The following ENTHD1 variants were observed in gnomAD, a reference collection of about 807,000 sequenced individuals.
ENTHD1 encodes ENTH domain containing 1, also known as ENTH domain-containing protein 1.
Under a neutral mutation model 39.1 loss-of-function variants are expected in ENTHD1, and 23 were observed. That is an observed-to-expected ratio of 0.59 (90% CI 0.42 to 0.83). The LOEUF (loss-of-function observed/expected upper bound fraction) is 0.83, where lower values mean the gene tolerates loss of function less well. Among genes scored for constraint, ENTHD1 ranks in the 40% least tolerant of loss-of-function variants. The pLI is 0.00. For synonymous variants in ENTHD1, 230 were observed against 258.2 expected, an observed-to-expected ratio of 0.89 and a Z score of 1.05; for missense variants, 624 against 705.4, an observed-to-expected ratio of 0.88 and a Z score of 1.31.
At chr22:39,847,664 G>A (rs991487553) in intron 3 of ENTHD1, among the ~76,000 whole-genome samples, 2 of 151,986 alleles carry the variant, frequency 1.3e-5, no homozygotes, top group Non-Finnish European at 2.9e-5. Context: ...AGTGCTGAGA[G>A]GCATGAGTCA....
chr22:39,749,631 T>C (rs2065133272), intron 6 of ENTHD1, among the ~76,000 whole-genome samples: 1 of 152,244 alleles, frequency 6.6e-6, no homozygotes, highest in African/African-American at 2.4e-5. Context: ...GAGAAGTTTT[T>C]GTCATTCTCC....
chr22:39,817,590 C>T lies in ENTHD1; in HGVS notation c.832+3403G>A, dbSNP rs141246385. Among the ~76,000 whole-genome samples the T allele has an allele frequency of 5.0e-3, 756 of 152,146 alleles. 33 individuals are homozygous for T. In the East Asian group the frequency reaches 0.1, roughly 21 times the overall value. On this transcript the variant is annotated intron_variant, in intron 5 of 6. Coordinates refer to ENST00000325157, the MANE Select transcript of ENTHD1 (RefSeq NM_152512.4). ...ACCAAACTGGTAATAGTTCACTCTG[C>T]GGAGGGGACTGTGTTGGGGTAAGGG...
At chr22:39,811,026 A>C (rs947073780) in intron 5 of ENTHD1, among the ~76,000 whole-genome samples, 2 of 152,204 alleles carry the variant, frequency 1.3e-5, no homozygotes. Context: ...GGACTTATGC[A>C]AGAAGTGGCA....
At chr22:39,749,125 G>A (rs1262690047) in intron 6 of ENTHD1, among the ~76,000 whole-genome samples, 2 of 152,002 alleles carry the variant, frequency 1.3e-5, no homozygotes, top group Non-Finnish European at 1.5e-5. Flanking sequence ...TATAATTGCC[G>A]CATACCAATT....
At chr22:39,836,061 T>C (rs1453177180) in intron 3 of ENTHD1, 103 bp from the exon 4 acceptor site, 3 of 748,110 alleles carry the variant, frequency 4.0e-6, no homozygotes, top group Non-Finnish European at 6.3e-6. Context: ...GATACCTTTT[T>C]TTCCTGCTAA....
rs1412044475 is a variant in ENTHD1 at position 39,835,929 on chromosome 22, CTT to C, written c.620_621del (p.Gln207ArgfsTer38). ...GGCAAATGAACATCTTGGCAATGCTCTTGTTTCAATCCTGCCTTGCACACATT... is the reference window on the plus strand; with the variant it reads ...GGCAAATGAACATCTTGGCAATGCTCGTTTCAATCCTGCCTTGCACACATT... ...KRNVCKAGLK[Q>X]EHCQDVHLPT... On this transcript the variant is annotated frameshift_variant, in exon 4 of 7. Coordinates refer to ENST00000325157, the MANE Select transcript of ENTHD1 (RefSeq NM_152512.4). LOFTEE classifies it high-confidence loss of function. The C allele has an allele frequency of 6.2e-7, 1 of 1,608,664 alleles. No homozygotes were observed. The highest frequency in any genetic ancestry group is 8.5e-7 in the Non-Finnish European group (1 of 1,177,228).
Position 39,765,397 on chromosome 22 carries a change from C to A in ENTHD1, c.1045G>T (p.Val349Leu). The A allele has an allele frequency of 6.2e-7, 1 of 1,613,930 alleles. No individual in the cohort carries two copies. The highest frequency in any genetic ancestry group is 8.5e-7 in the Non-Finnish European group (1 of 1,179,946). ...TGGAAAGTAGAATCTGACTTTGATA[C>A]CCTTAAGTCGGGGCTGATAAACTCC... Reference protein sequence around the residue: ...KEEFISPDLRVSKSDSTFHNQ... With the variant: ...KEEFISPDLRLSKSDSTFHNQ... The change falls in exon 6 of 7, where the codon GTA becomes TTA. Residue 349 changes from valine (V) to leucine (L), a missense_variant. By Grantham distance (32) the Val-to-Leu change is conservative. Coordinates refer to ENST00000325157, the MANE Select transcript of ENTHD1 (RefSeq NM_152512.4).
At chr22:39,780,424 G>C (rs980597267) in intron 5 of ENTHD1, among the ~76,000 whole-genome samples, 1 of 150,538 alleles carries the variant, frequency 6.6e-6, no homozygotes, top group African/African-American at 2.4e-5. Flanking sequence ...AAAAGGCATA[G>C]AATAGCTGAA....
intron 6 of ENTHD1, among the ~76,000 whole-genome samples, chr22:39,758,550 G>A (rs2065204190): frequency 6.6e-6 from 1 of 152,070 alleles, no homozygotes; most frequent in Non-Finnish European, 1.5e-5. Context: ...TCAGCCTCCT[G>A]AACAGCTGGG....
At chr22:39,843,282 A>G (rs1307440621) in intron 3 of ENTHD1, among the ~76,000 whole-genome samples, 1 of 152,120 alleles carries the variant, frequency 6.6e-6, no homozygotes, top group Non-Finnish European at 1.5e-5. Flanking sequence ...ATGCAGCCAT[A>G]AAAAATGATG....
At chr22:39,775,624 A>G (rs1354454940) in intron 5 of ENTHD1, among the ~76,000 whole-genome samples, 1 of 152,208 alleles carries the variant, frequency 6.6e-6, no homozygotes, top group East Asian at 1.9e-4. Flanking sequence ...CTTGATGTGT[A>G]CATGTTCATA....
chr22:39,837,313 C>T (rs1381866908), intron 3 of ENTHD1, among the ~76,000 whole-genome samples: 1 of 152,198 alleles, frequency 6.6e-6, no homozygotes, highest in East Asian at 1.9e-4. Flanking sequence ...TCCGCAACTT[C>T]CACCTATGTT....
chr22:39,835,209 G>A (rs916783298), intron 4 of ENTHD1, among the ~76,000 whole-genome samples: 2 of 152,038 alleles, frequency 1.3e-5, no homozygotes, highest in Admixed American at 1.3e-4. Context: ...TTTTGATGTT[G>A]TGCTGCAACC....
At chr22:39,820,715 CA>C (rs1013553215) in intron 5 of ENTHD1, among the ~76,000 whole-genome samples, 7 of 151,740 alleles carry the variant, frequency 4.6e-5, no homozygotes, top group Non-Finnish European at 1.0e-4. Context: ...TGAAAAAAAA[CA>C]GGAACTAAAA....
At chr22:39,780,856 A>T (rs1452347570) in intron 5 of ENTHD1, among the ~76,000 whole-genome samples, 2 of 152,042 alleles carry the variant, frequency 1.3e-5, no homozygotes, top group African/African-American at 4.8e-5. Context: ...AAAATTAGCC[A>T]GGCATGGTGG....
At chr22:39,807,525 A>G (rs1231476870) in intron 5 of ENTHD1, among the ~76,000 whole-genome samples, 1 of 151,956 alleles carries the variant, frequency 6.6e-6, no homozygotes, top group Admixed American at 6.6e-5. Context: ...CCTGCCATCC[A>G]CCTCATCCTG....
At chr22:39,813,882 A>G (rs2065712522) in intron 5 of ENTHD1, among the ~76,000 whole-genome samples, 1 of 152,250 alleles carries the variant, frequency 6.6e-6, no homozygotes, top group South Asian at 2.1e-4. Flanking sequence ...AAATCAATAT[A>G]CAAAACTTAA....
chr22:39,846,129 A>C (rs1208167066), intron 3 of ENTHD1, among the ~76,000 whole-genome samples: 2 of 152,166 alleles, frequency 1.3e-5, no homozygotes, highest in East Asian at 3.8e-4. Flanking sequence ...CACACATATA[A>C]AAATCAACTA....
At chr22:39,844,264 T>C (rs1176767327) in intron 3 of ENTHD1, among the ~76,000 whole-genome samples, 1 of 152,126 alleles carries the variant, frequency 6.6e-6, no homozygotes. Flanking sequence ...AATAGGTAGA[T>C]AAGAAAAGTG....
Sources: allele counts gnomAD v4.1 joint callset (sites outside exome capture counted in the v4.1 genomes callset), GRCh38; gene constraint gnomAD v4.1.1; transcripts MANE v1.5; gene names NCBI Gene and HGNC (gene_info 2026-07-23, HGNC 2026-07-21).